BSN: variants seen among roughly 807,000 people sequenced by gnomAD.
BSN encodes protein bassoon.
BSN carries 57 observed loss-of-function variants against 264.8 expected under a neutral mutation model. The ratio of observed to expected loss-of-function variants is 0.22; its 90% confidence interval spans 0.17 to 0.27. BSN has a LOEUF of 0.27. BSN is among the 10% of genes least tolerant of loss of function. The probability of loss-of-function intolerance (pLI) is 1.00; values close to 1 mark genes in which losing one functional copy is unlikely to be tolerated. For missense variants in BSN, 4,615 were observed against 5,232.5 expected, an observed-to-expected ratio of 0.88 and a Z score of 3.64; for synonymous variants, 2,059 against 2,137.3, an observed-to-expected ratio of 0.96 and a Z score of 1.01.
intron 1 of BSN, among the ~76,000 whole-genome samples, chr3:49,582,174 G>A (rs1399694842): frequency 6.6e-6 from 1 of 152,088 alleles, no homozygotes; most frequent in Admixed American, 6.6e-5. Context: ...TGTTTATTTT[G>A]TTTGTTTTTA....
intron 1 of BSN, among the ~76,000 whole-genome samples, chr3:49,579,073 A>G (rs1408361867): frequency 6.6e-6 from 1 of 151,900 alleles, no homozygotes; most frequent in Non-Finnish European, 1.5e-5. Flanking sequence ...CTGTAACCTC[A>G]AACTCCTGGG....
At chr3:49,561,978 T>G (rs569101051) in intron 1 of BSN, among the ~76,000 whole-genome samples, 2 of 152,192 alleles carry the variant, frequency 1.3e-5, no homozygotes, top group South Asian at 2.1e-4. Flanking sequence ...CGTCTAATTT[T>G]TGCATCTTTA....
At chr3:49,574,787 T>G (rs1007247658) in intron 1 of BSN, among the ~76,000 whole-genome samples, 4 of 151,810 alleles carry the variant, frequency 2.6e-5, no homozygotes, top group African/African-American at 9.7e-5. Context: ...TGTGCCACCA[T>G]GCTCAGCTAA....
rs749016194 is a variant in BSN, at chr3:49,655,892, T to C, written c.6336T>C (p.Gly2112=). 6.2e-7 allele frequency: 1 copy of C among 1,612,596 alleles called. No individual in the cohort carries two copies. Among genetic ancestry groups the C allele is most frequent in the Non-Finnish European group, 8.5e-7 (1 of 1,179,974 alleles). The change falls in exon 5 of 12, where the codon GGT becomes GGC. Residue 2112 remains glycine (G), a synonymous_variant. Coordinates refer to ENST00000296452, the MANE Select transcript of BSN (RefSeq NM_003458.4). The part of the protein sequence containing the change: ...CAALNSMDQY[G]GRHGSGGGGP... ...CCCTCAACTCCATGGACCAGTATGG[T>C]GGGCGGCATGGCAGTGGTGGTGGTG...
At position 49,662,002 on chromosome 3, in the gene BSN, C is replaced by T. The variant is rs1381210723; in HGVS notation, c.10157C>T (p.Ala3386Val). The T allele has an allele frequency of 6.8e-6, 11 of 1,613,762 alleles. No homozygotes were observed. Among genetic ancestry groups the T allele is most frequent in the African/African-American group, 1.3e-5 (1 of 74,924 alleles). The change falls in exon 6 of 12, where the codon GCG becomes GTG. Residue 3386 changes from alanine (A) to valine (V), a missense_variant. Coordinates refer to ENST00000296452, the MANE Select transcript of BSN (RefSeq NM_003458.4). ...GCCAAAGACGTAGAGTCAGACCTGG[C>T]GTCCTACCCCCCACCTGCAGTCAGC... Reference protein sequence around the residue: ...EEAKDVESDLASYPPPAVSSS... With the variant: ...EEAKDVESDLVSYPPPAVSSS...
At chr3:49,563,824 G>C (rs1031703912) in intron 1 of BSN, among the ~76,000 whole-genome samples, 1 of 152,188 alleles carries the variant, frequency 6.6e-6, no homozygotes, top group African/African-American at 2.4e-5. Flanking sequence ...AAGATCAGTG[G>C]CCTTTGGTTC....
downstream of BSN, among the ~76,000 whole-genome samples, chr3:49,671,909 C>T (rs1575456559): frequency 1.3e-5 from 2 of 152,316 alleles, no homozygotes; most frequent in East Asian, 1.9e-4. The surrounding 1 kb of genome is among the most constrained non-coding windows in gnomAD (Gnocchi z 4.1). Context: ...AGCCCTACAC[C>T]TCTCTGCCTT....
rs2052439091 is a variant in BSN at position 49,638,861 on chromosome 3, C to A, written c.634-3407C>A. Among the ~76,000 whole-genome samples the A allele has an allele frequency of 6.6e-6, 1 of 152,194 alleles. No individual in the cohort carries two copies. ...TAAATTCCCTTTCCCAGGAAGAAGT[C>A]TCACCTCAGGGCATGCTGCAGTGCC... On this transcript the variant is annotated intron_variant, in intron 2 of 11. Transcript: ENST00000296452. This position sits in a 1 kb window ranked among gnomAD's most constrained non-coding sequence, Gnocchi z 4.3.
chr3:49,555,911 G>T (rs2051665581), intron 1 of BSN, among the ~76,000 whole-genome samples: 1 of 152,184 alleles, frequency 6.6e-6, no homozygotes, highest in African/African-American at 2.4e-5. Flanking sequence ...GCCCGACTGT[G>T]CCTCTTGTGT....
Position 49,656,503 on chromosome 3 carries a change from C to T in BSN, c.6947C>T (p.Pro2316Leu). The change falls in exon 5 of 12, where the codon CCT becomes CTT. Residue 2316 changes from proline (P) to leucine (L), a missense_variant. By Grantham distance (98) the Pro-to-Leu change is moderately conservative. Coordinates refer to ENST00000296452, the MANE Select transcript of BSN (RefSeq NM_003458.4). ...AREEPLPTTT[P>L]AAIKEAAGAP... ...GAAGAGCCTCTTCCCACAACCACCC[C>T]TGCTGCCATCAAGGAGGCTGCAGGA... 1.3e-6 allele frequency: 2 copies of T among 1,587,290 alleles called. No individual in the cohort carries two copies. The highest frequency in any genetic ancestry group is 1.7e-6 in the Non-Finnish European group (2 of 1,165,404).
chr3:49,666,352 G>A (rs1432096283), intron 11 of BSN, among the ~76,000 whole-genome samples: 1 of 152,194 alleles, frequency 6.6e-6, no homozygotes, highest in South Asian at 2.1e-4. Context: ...CCAGGCTTCC[G>A]TCCATTTATT....
intron 1 of BSN, among the ~76,000 whole-genome samples, chr3:49,612,033 T>A (rs2052210041): frequency 6.6e-6 from 1 of 152,182 alleles, no homozygotes; most frequent in Non-Finnish European, 1.5e-5. Context: ...AAAAAGACAT[T>A]TTTTCCTTCC....
Position 49,661,812 on chromosome 3 carries a change from A to G in BSN, c.9967A>G (p.Ser3323Gly). Reference sequence around the variant, plus strand: ...AGCCAGTACCCACTACTATGGTGACAGTGACTACAGGCATGGGGCTCGAGT... The same window carrying G: ...AGCCAGTACCCACTACTATGGTGACGGTGACTACAGGCATGGGGCTCGAGT... ...RPASTHYYGD[S>G]DYRHGARVEK... The change falls in exon 6 of 12, where the codon AGT (serine) becomes GGT (glycine). Residue 3323 changes from serine (S) to glycine (G), a missense_variant. This residue lies in a region of BSN where 3,415 missense variants were observed against 3,866.4 expected (regional missense o/e 0.88). Coordinates refer to ENST00000296452, the MANE Select transcript of BSN (RefSeq NM_003458.4). 1 of 1,613,630 alleles carries G rather than the reference A, an allele frequency of 6.2e-7. No homozygotes were observed. Among genetic ancestry groups the G allele is most frequent in the Non-Finnish European group, 8.5e-7 (1 of 1,180,046 alleles).
chr3:49,661,299 G>T lies in BSN; in HGVS notation c.9454G>T (p.Asp3152Tyr). Reference sequence around the variant, plus strand: ...GAAGCCACGCCAGACATCGCTAGCCGACTTGGAGCAGAAGGTGCCCACCAA... The same window carrying T: ...GAAGCCACGCCAGACATCGCTAGCCTACTTGGAGCAGAAGGTGCCCACCAA... The part of the protein sequence containing the change: ...LQKPRQTSLA[D>Y]LEQKVPTNYE... Residue 3152 changes from aspartate to tyrosine, a missense_variant, in exon 6 of 12, where the codon GAC becomes TAC. Asp to Tyr is a radical substitution (Grantham distance 160, BLOSUM62 -3). Around this residue, in one of 3 missense-constraint regions of BSN, gnomAD observed 3,415 missense variants for 3,866.4 expected, o/e 0.88. Coordinates refer to ENST00000296452, the MANE Select transcript of BSN (RefSeq NM_003458.4). The T allele has an allele frequency of 6.2e-7, 1 of 1,613,890 alleles. No individual in the cohort carries two copies. The highest frequency in any genetic ancestry group is 8.5e-7 in the Non-Finnish European group (1 of 1,180,040).
intron 1 of BSN, among the ~76,000 whole-genome samples, chr3:49,600,584 G>T (rs1297126409): frequency 6.6e-6 from 1 of 152,110 alleles, no homozygotes; most frequent in Non-Finnish European, 1.5e-5. Context: ...TGGAGCACAG[G>T]ATTTTGGGAC....
chr3:49,660,979 C>G lies in BSN; in HGVS notation c.9134C>G (p.Pro3045Arg), dbSNP rs542682997. The G allele has an allele frequency of 3.2e-5, 51 of 1,611,608 alleles. 1 individual carries two copies. The highest frequency in any genetic ancestry group is 1.2e-4 in the South Asian group (11 of 91,084). ...FPATAAAPAT[P>R]SGPTAFQQPR... ...GCCACTGCCGCTGCTCCTGCCACCC[C>G]CTCTGGTCCCACTGCCTTCCAGCAG... The change falls in exon 6 of 12, where the codon CCC (proline) becomes CGC (arginine). Residue 3045 changes from proline (P) to arginine (R), a missense_variant. By Grantham distance (103) the Pro-to-Arg change is moderately radical. Coordinates refer to ENST00000296452, the MANE Select transcript of BSN (RefSeq NM_003458.4). The surrounding 1 kb of genome is among the most constrained non-coding windows in gnomAD (Gnocchi z 7.1).
At chr3:49,556,093 C>T (rs143598946) in intron 1 of BSN, among the ~76,000 whole-genome samples, 2 of 152,332 alleles carry the variant, frequency 1.3e-5, no homozygotes, top group Non-Finnish European at 2.9e-5. Flanking sequence ...CAGCTCTTAG[C>T]ACTGCAAACA....
rs1261279330 is a variant in BSN at position 49,656,676 on chromosome 3, C to T, written c.7120C>T (p.Gln2374Ter). ...GCGGAAGCAACAGGAGCAGCTGCTC[C>T]AGCTAGAGCGGGAGCGGGTGGAGTT... ...RQRKQQEQLLQLERERVELEK... is the reference protein window; with the variant it reads ...RQRKQQEQLL The change falls in exon 5 of 12, where the codon CAG (glutamine) becomes TAG (stop). Residue 2374 changes from glutamine to a stop codon, truncating the protein, a stop_gained. Coordinates refer to ENST00000296452, the MANE Select transcript of BSN (RefSeq NM_003458.4). LOFTEE classifies it high-confidence loss of function. 6.2e-7 allele frequency: 1 copy of T among 1,602,106 alleles called. No homozygotes were observed.
intron 1 of BSN, among the ~76,000 whole-genome samples, chr3:49,581,004 A>G (rs546636497): frequency 2.1e-5 from 3 of 146,052 alleles, no homozygotes; most frequent in African/African-American, 5.1e-5. Flanking sequence ...TTTTTGAGAC[A>G]GGGTTTTGCT....
Sources: allele counts gnomAD v4.1 joint callset (sites outside exome capture counted in the v4.1 genomes callset), GRCh38; gene constraint gnomAD v4.1.1; regional missense constraint gnomAD v4.1.1; non-coding constraint Gnocchi (gnomAD v3.1); transcripts MANE v1.5; gene names NCBI Gene and HGNC (gene_info 2026-07-23, HGNC 2026-07-21).